MAGI1: variants seen among roughly 807,000 people sequenced by gnomAD.
The protein encoded by MAGI1 is membrane-associated guanylate kinase, WW and PDZ domain-containing protein 1.
Under a neutral mutation model 139.9 loss-of-function variants are expected in MAGI1, and 58 were observed. That is an observed-to-expected ratio of 0.41 (90% CI 0.34 to 0.52). The LOEUF (loss-of-function observed/expected upper bound fraction) is 0.52, where lower values mean the gene tolerates loss of function less well. MAGI1 is among the 20% of genes least tolerant of loss of function. The pLI is 0.12. For synonymous variants in MAGI1, 812 were observed against 737.9 expected (o/e 1.10, Z -1.63); for missense variants, 1,874 against 1,901.6 (o/e 0.99, Z 0.27).
chr3:65,549,541 G>A (rs1359810609), intron 2 of MAGI1: 14 of 935,950 alleles, frequency 1.5e-5, no homozygotes, highest in African/African-American at 1.8e-5. Flanking sequence ...GGGGCTCGCA[G>A]GCAGTAGGCT....
In MAGI1 at chr3:66,023,737, A is replaced by G. The variant is rs374972935; in HGVS notation, c.313+14259T>C. Among the ~76,000 whole-genome samples, 7 of 152,358 alleles carry G rather than the reference A, an allele frequency of 4.6e-5. No homozygotes were observed. In the East Asian group the frequency reaches 9.6e-4, roughly 21 times the overall value. On this transcript the variant is annotated intron_variant, in intron 1 of 22. Coordinates refer to ENST00000402939, the MANE Select transcript of MAGI1 (RefSeq NM_001033057.2). ...TAAAACCTCCCTAAATGGTATACAT[A>G]AACTTCATTCGTTCTTGTTGGTAAA...
chr3:65,923,226 C>CTTTTTTT lies in MAGI1; in HGVS notation c.313+114763_313+114769dup, dbSNP rs72035925. ...TGTTAAGCTTGCATTCAACAGACAT[C>CTTTTTTT]TTTTTTTTTTTTTTTTTGAGATGGA... On this transcript the variant is annotated intron_variant, in intron 1 of 22. Coordinates refer to ENST00000402939, the MANE Select transcript of MAGI1 (RefSeq NM_001033057.2). 6.4e-5 allele frequency among the ~76,000 whole-genome samples: 9 copies of CTTTTTTT among 139,962 alleles called. 4 individuals are homozygous for CTTTTTTT. The highest frequency in any genetic ancestry group is 4.6e-5 in the Non-Finnish European group (3 of 65,220). 91.8% of individuals were successfully genotyped at this position (139,962 alleles called of 152,430 possible).
intron 2 of MAGI1, among the ~76,000 whole-genome samples, chr3:65,617,571 G>A (rs977610310): frequency 3.3e-5 from 5 of 152,074 alleles, no homozygotes; most frequent in African/African-American, 9.7e-5. Context: ...AGCTGTGAAC[G>A]GGCACTCCAG....
intron 1 of MAGI1, among the ~76,000 whole-genome samples, chr3:65,870,086 G>A (rs1033204417): frequency 9.2e-5 from 14 of 152,228 alleles, no homozygotes; most frequent in African/African-American, 2.4e-4. Flanking sequence ...TAGAAAGAGC[G>A]ATTTGTTCTA....
chr3:65,931,738 G>A (rs568851495), intron 1 of MAGI1, among the ~76,000 whole-genome samples: 1 of 152,152 alleles, frequency 6.6e-6, no homozygotes, highest in East Asian at 1.9e-4. Context: ...AAACAGTTCC[G>A]CTATTATTCC....
intron 1 of MAGI1, chr3:65,688,246 C>A: frequency 1.2e-6 from 1 of 833,554 alleles, no homozygotes; most frequent in Non-Finnish European, 2.0e-6. Context: ...ACAGCCCAGA[C>A]TCTGGTCTGA....
chr3:65,412,571 A>G (rs989625381), intron 12 of MAGI1, among the ~76,000 whole-genome samples: 1 of 152,236 alleles, frequency 6.6e-6, no homozygotes, highest in Non-Finnish European at 1.5e-5. Flanking sequence ...ACAGTTCAAT[A>G]AACACCTGTA....
chr3:65,604,002 T>C (rs2082611303), intron 2 of MAGI1, among the ~76,000 whole-genome samples: 2 of 152,206 alleles, frequency 1.3e-5, no homozygotes, highest in African/African-American at 4.8e-5. Context: ...ATATTGGCCA[T>C]TATGTTTCAA....
intron 9 of MAGI1, among the ~76,000 whole-genome samples, chr3:65,437,795 A>G (rs1220307234): frequency 1.3e-5 from 2 of 152,192 alleles, no homozygotes; most frequent in African/African-American, 4.8e-5. Flanking sequence ...GCACCCCAGA[A>G]TCACTTCCAG....
Position 65,579,370 on chromosome 3 carries a change from T to C in MAGI1, c.430+42602A>G, listed in dbSNP as rs114217507. Among the ~76,000 whole-genome samples, 1,075 of 152,272 alleles carry C rather than the reference T, an allele frequency of 7.1e-3. 13 individuals are homozygous for C. The highest frequency in any genetic ancestry group is 0.025 in the African/African-American group (1,029 of 41,550). ...AGGACTGCCACATATTTGGGCCTTA[T>C]ACAGTTCCTTTCTGTGGTTAAGTGA... is the stretch of plus-strand genomic sequence containing the variant. On this transcript the variant is annotated intron_variant, in intron 2 of 22. Coordinates refer to ENST00000402939, the MANE Select transcript of MAGI1 (RefSeq NM_001033057.2).
Position 65,442,817 on chromosome 3 carries a change from G to C in MAGI1, c.1111C>G (p.Pro371Ala), listed in dbSNP as rs1253063328. 1 of 1,612,782 alleles carries C rather than the reference G, an allele frequency of 6.2e-7. No individual in the cohort carries two copies. Among genetic ancestry groups the C allele is most frequent in the Non-Finnish European group, 8.5e-7 (1 of 1,179,252 alleles). The change falls in exon 8 of 23, where the codon CCT becomes GCT. Residue 371 changes from proline (P) to alanine (A), a missense_variant. By Grantham distance (27) the Pro-to-Ala change is conservative (BLOSUM62 -1). Transcript: ENST00000402939. ...LPAGWEKIED[P>A]VYGIYYVDHI... ...TCTACATAGTAGATACCATAGACAG[G>C]GTCTTCAATCTTTTCCCAACCAGCA...
intron 1 of MAGI1, among the ~76,000 whole-genome samples, chr3:65,627,138 T>G (rs1490797948): frequency 6.6e-6 from 1 of 152,218 alleles, no homozygotes; most frequent in Non-Finnish European, 1.5e-5. Context: ...TATGTTTAGA[T>G]ACACAAATAC....
intron 1 of MAGI1, among the ~76,000 whole-genome samples, chr3:65,811,121 T>C (rs1221610719): frequency 6.6e-6 from 1 of 152,196 alleles, no homozygotes; most frequent in Non-Finnish European, 1.5e-5. Context: ...AAAGTATGTA[T>C]ACAGAAAAGC....
intron 1 of MAGI1, among the ~76,000 whole-genome samples, chr3:65,979,571 T>C (rs1336270492): frequency 1.3e-5 from 2 of 152,218 alleles, no homozygotes; most frequent in Admixed American, 6.5e-5. Flanking sequence ...TTTCATTCAT[T>C]AGAACCTTGA....
chr3:65,650,077 T>C (rs988112170), intron 1 of MAGI1, among the ~76,000 whole-genome samples: 2 of 152,156 alleles, frequency 1.3e-5, no homozygotes, highest in Admixed American at 6.5e-5. Flanking sequence ...TAAGAGGTGA[T>C]CATGACTGGA....
At chr3:65,619,514 T>C (rs1423237115) in intron 2 of MAGI1, among the ~76,000 whole-genome samples, 2 of 152,126 alleles carry the variant, frequency 1.3e-5, no homozygotes, top group East Asian at 3.9e-4. Context: ...CCGAAGTCAA[T>C]GAAATGTCAG....
intron 2 of MAGI1, among the ~76,000 whole-genome samples, chr3:65,541,795 C>T (rs150767887): frequency 2.2e-4 from 34 of 152,248 alleles, no homozygotes; most frequent in African/African-American, 8.2e-4. Context: ...CTATTTATGA[C>T]AAACCCACAA....
intron 7 of MAGI1, among the ~76,000 whole-genome samples, chr3:65,447,724 G>A (rs1392971743): frequency 3.3e-5 from 5 of 152,108 alleles, no homozygotes; most frequent in African/African-American, 4.8e-5. Context: ...GCATCTCTTC[G>A]GTTCTTTCCC....
intron 1 of MAGI1, among the ~76,000 whole-genome samples, chr3:65,950,044 CAAA>C (rs143046732): frequency 6.0e-4 from 30 of 49,788 alleles, no homozygotes; most frequent in African/African-American, 2.4e-3. Flanking sequence ...GCCAGATCAT[CAAA>C]AAAAAAAAAA....
Sources: gnomAD v4.1 joint callset for allele counts (sites outside exome capture counted in the v4.1 genomes callset) on GRCh38, gnomAD v4.1.1 for gene constraint, MANE v1.5 for transcripts, NCBI Gene and HGNC (gene_info 2026-07-23, HGNC 2026-07-21) for gene names.